TBC1D12: variants seen among roughly 807,000 people sequenced by gnomAD.
TBC1D12 encodes TBC1 domain family member 12.
A neutral mutation model predicts 86.7 loss-of-function variants in TBC1D12; 56 were observed. The ratio of observed to expected loss-of-function variants is 0.65; its 90% CI spans 0.52 to 0.81. The LOEUF is 0.81. TBC1D12 is among the 30% of genes least tolerant of loss of function. TBC1D12 has a pLI of 0.00. For missense variants in TBC1D12, 1,023 were observed against 1,038.8 expected (o/e 0.98, Z 0.21); for synonymous variants, 421 against 411.7 (o/e 1.02, Z -0.27).
chr10:94,411,013 GA>G (rs746383443), intron 1 of TBC1D12, among the ~76,000 whole-genome samples: 8 of 151,360 alleles, frequency 5.3e-5, no homozygotes, highest in Non-Finnish European at 7.4e-5. Flanking sequence ...AGAGAAAGCT[GA>G]AAAAAAACAG....
In TBC1D12 at chr10:94,510,105, G is replaced by A. The variant is rs761767828; in HGVS notation, c.1615G>A (p.Asp539Asn). Residue 539 changes from aspartate (D) to asparagine (N), a missense_variant, in exon 8 of 13, where the codon GAT becomes AAT. This residue lies in a region of TBC1D12 where 395 missense variants were observed against 507.7 expected (regional missense o/e 0.78). Coordinates refer to ENST00000225235, the MANE Select transcript of TBC1D12 (RefSeq NM_015188.2). The part of the protein sequence containing the change: ...ENDTEGVSVA[D>N]REASLELIKL... ...GGTAAATGCAGGTGTATCTGTTGCT[G>A]ATCGAGAGGCCAGTCTGGAATTAAT... The A allele has an allele frequency of 1.9e-6, 3 of 1,608,818 alleles. No homozygotes were observed. Among genetic ancestry groups the A allele is most frequent in the Non-Finnish European group, 2.5e-6 (3 of 1,178,644 alleles).
intron 11 of TBC1D12, among the ~76,000 whole-genome samples, chr10:94,528,865 G>GA (rs1842360458): frequency 6.7e-6 from 1 of 149,316 alleles, no homozygotes; most frequent in African/African-American, 2.5e-5. Context: ...TGAGGAGGGG[G>GA]AAGAGTACAG....
intron 11 of TBC1D12, among the ~76,000 whole-genome samples, chr10:94,523,952 G>A (rs1459933901): frequency 6.6e-6 from 1 of 152,140 alleles, no homozygotes; most frequent in Non-Finnish European, 1.5e-5. Context: ...CTGGGTGACA[G>A]AACGAGATCC....
intron 6 of TBC1D12, chr10:94,501,603 G>A (rs1344993689): frequency 6.6e-6 from 1 of 152,038 alleles, no homozygotes; most frequent in African/African-American, 2.4e-5. Context: ...CTGGAGTGCA[G>A]TGGCGCAGTC....
chr10:94,437,614 TC>T (rs2055321606), intron 1 of TBC1D12, among the ~76,000 whole-genome samples: 1 of 152,154 alleles, frequency 6.6e-6, no homozygotes, highest in African/African-American at 2.4e-5. Context: ...ACGTATTTTT[TC>T]TGCCTCTTTG....
At chr10:94,529,796 G>T (rs992408114) in intron 11 of TBC1D12, among the ~76,000 whole-genome samples, 1 of 152,138 alleles carries the variant, frequency 6.6e-6, no homozygotes, top group Admixed American at 6.5e-5. Flanking sequence ...GTCTTGAGAA[G>T]TGTGAGCATG....
intron 1 of TBC1D12, among the ~76,000 whole-genome samples, chr10:94,441,422 C>G (rs542914196): frequency 6.6e-6 from 1 of 152,024 alleles, no homozygotes; most frequent in Non-Finnish European, 1.5e-5. Context: ...AATTTTGGCT[C>G]TTATTGTTAA....
At chr10:94,438,465 A>G (rs941490297) in intron 1 of TBC1D12, among the ~76,000 whole-genome samples, 4 of 151,830 alleles carry the variant, frequency 2.6e-5, no homozygotes, top group African/African-American at 9.7e-5. Flanking sequence ...GAGTAGTGAA[A>G]CTGATGCATG....
chr10:94,466,658 A>G (rs1029259196), intron 2 of TBC1D12, among the ~76,000 whole-genome samples: 2 of 152,142 alleles, frequency 1.3e-5, no homozygotes, highest in African/African-American at 2.4e-5. Flanking sequence ...TATTATTGTG[A>G]TACTGAAAAA....
rs1372361901 is a variant in TBC1D12, at chr10:94,511,587, G to A, written c.1694G>A (p.Gly565Asp). Residue 565 changes from glycine to aspartate, a missense_variant, in exon 9 of 13, where the codon GGT becomes GAT. Transcript: ENST00000225235. ...ATTTCATTTTTCTCTCCTAAGGGTG[G>A]TCCATATCATGATGTCTTGCATAGT... Reference protein sequence around the residue: ...FPSLYIFQKGGPYHDVLHSIL... With the variant: ...FPSLYIFQKGDPYHDVLHSIL... 6.2e-7 allele frequency: 1 copy of A among 1,607,782 alleles called. No individual in the cohort carries two copies. Among genetic ancestry groups the A allele is most frequent in the Non-Finnish European group, 8.5e-7 (1 of 1,174,916 alleles).
chr10:94,454,216 G>A (rs965388026), intron 2 of TBC1D12, among the ~76,000 whole-genome samples: 2 of 151,092 alleles, frequency 1.3e-5, no homozygotes, highest in African/African-American at 4.9e-5. Flanking sequence ...ACATCTAAAT[G>A]ACATTGAGTC....
chr10:94,497,329 G>T (rs887998887), intron 5 of TBC1D12, among the ~76,000 whole-genome samples, 157 bp downstream of exon 5: 3 of 151,398 alleles, frequency 2.0e-5, no homozygotes, highest in Non-Finnish European at 2.9e-5. Flanking sequence ...ATGCTGGTGC[G>T]CTGAGATCTC....
At chr10:94,428,045 A>G (rs2055170228) in intron 1 of TBC1D12, among the ~76,000 whole-genome samples, 1 of 151,990 alleles carries the variant, frequency 6.6e-6, no homozygotes, top group Admixed American at 6.6e-5. Context: ...AGGATGGAAA[A>G]GATTAGGGAT....
chr10:94,404,833 A>G (rs943349944), intron 1 of TBC1D12, among the ~76,000 whole-genome samples: 1 of 151,100 alleles, frequency 6.6e-6, no homozygotes, highest in African/African-American at 2.4e-5. Context: ...GGATCACCTG[A>G]GGTCAGAGTT....
intron 3 of TBC1D12, among the ~76,000 whole-genome samples, chr10:94,483,660 A>G (rs1003823840): frequency 9.9e-5 from 15 of 152,100 alleles, no homozygotes; most frequent in African/African-American, 3.4e-4. Flanking sequence ...TATTCTAGTT[A>G]TTATATTAAT....
intron 1 of TBC1D12, 39 bp downstream of exon 1, chr10:94,403,623 G>A (rs953516093): frequency 1.4e-6 from 2 of 1,413,214 alleles, no homozygotes; most frequent in African/African-American, 1.5e-5. Flanking sequence ...GCGGGTCCGG[G>A]GCCGGGGCCG....
At chr10:94,507,431 C>A in intron 7 of TBC1D12, 84 bp downstream of exon 7, 1 of 1,166,536 alleles carries the variant, frequency 8.6e-7, no homozygotes, top group South Asian at 1.5e-5. Flanking sequence ...AATCGCTTTA[C>A]ATATATCATC....
At chr10:94,441,825 A>T in intron 1 of TBC1D12, 71 bp from the exon 2 acceptor site, 1 of 1,504,336 alleles carries the variant, frequency 6.6e-7, no homozygotes, top group East Asian at 2.3e-5. Context: ...GAACAAACTT[A>T]TTATAAAATT....
intron 1 of TBC1D12, among the ~76,000 whole-genome samples, chr10:94,428,572 G>A (rs1213545464): frequency 6.6e-6 from 1 of 152,156 alleles, no homozygotes; most frequent in East Asian, 1.9e-4. Context: ...AATTACAGGT[G>A]TAAGCCACCA....
Sources: gnomAD v4.1 joint callset for allele counts (sites outside exome capture counted in the v4.1 genomes callset) on GRCh38, gnomAD v4.1.1 for gene constraint, gnomAD v4.1.1 regional missense constraint, MANE v1.5 for transcripts, NCBI Gene and HGNC (gene_info 2026-07-23, HGNC 2026-07-21) for gene names.